KALRN: variants seen among roughly 807,000 people sequenced by gnomAD.
The protein encoded by KALRN is kalirin RhoGEF kinase, also known as kalirin.
Under a neutral mutation model 353.7 loss-of-function variants are expected in KALRN, and 70 were observed. The observed-to-expected ratio is 0.20, with a 90% CI of 0.16 to 0.24. The LOEUF is 0.24. Among genes scored for constraint, KALRN ranks in the 10% least tolerant of loss-of-function variants. The pLI, the probability that KALRN is intolerant of heterozygous loss-of-function variation, is 1.00. For synonymous variants in KALRN, 1,391 were observed against 1,434.8 expected (o/e 0.97, Z 0.69); for missense variants, 2,791 against 3,756.7 (o/e 0.74, Z 6.72).
chr3:124,454,784 T>A (rs578167910), intron 21 of KALRN, among the ~76,000 whole-genome samples: 1 of 152,284 alleles, frequency 6.6e-6, no homozygotes, highest in African/African-American at 2.4e-5. Flanking sequence ...AGTATTTACA[T>A]TGTATTAGGT....
intron 1 of KALRN, among the ~76,000 whole-genome samples, chr3:124,201,401 G>T (rs531413484): frequency 6.6e-6 from 1 of 152,306 alleles, no homozygotes; most frequent in South Asian, 2.1e-4. Flanking sequence ...GGCTGTCCTT[G>T]ACTCCATCTG....
intron 53 of KALRN, among the ~76,000 whole-genome samples, chr3:124,695,311 A>C (rs1338714091): frequency 6.6e-6 from 1 of 152,224 alleles, no homozygotes; most frequent in African/African-American, 2.4e-5. Context: ...CAAGCCCTAG[A>C]TGCTTGAGAA....
rs1441691244 is a variant in KALRN at position 124,083,465 on chromosome 3, G to A, written c.73+49652G>A. Among the ~76,000 whole-genome samples, 8 of 152,070 alleles carry A rather than the reference G, an allele frequency of 5.3e-5. No homozygotes were observed. The South Asian group carries it at 1.0e-3, about 20-fold the overall frequency. ...CCAAGCCTAGGAAGAGCATATGCAG[G>A]GATCCAAAGGGAAGAGATAGCTTAG... On this transcript the variant is annotated intron_variant, in intron 1 of 59. Coordinates refer to ENST00000682506, the MANE Select transcript of KALRN (RefSeq NM_001388419.1).
At chr3:124,676,169 G>A (rs544621332) in intron 49 of KALRN, among the ~76,000 whole-genome samples, 76 of 152,298 alleles carry the variant, frequency 5.0e-4, no homozygotes, top group South Asian at 1.7e-3. Context: ...CTTTGGTTCT[G>A]TTGGCCACTT....
chr3:124,177,291 A>G (rs1280361379), intron 1 of KALRN, among the ~76,000 whole-genome samples: 2 of 152,234 alleles, frequency 1.3e-5, no homozygotes, highest in African/African-American at 2.4e-5. Context: ...TTGCTTGGCA[A>G]GTGTGGACTC....
At chr3:124,512,956 G>A (rs1248985288) in intron 33 of KALRN, among the ~76,000 whole-genome samples, 1 of 152,040 alleles carries the variant, frequency 6.6e-6, no homozygotes, top group African/African-American at 2.4e-5. Context: ...TAGTTGCTGG[G>A]GTCCACCCTC....
intron 51 of KALRN, among the ~76,000 whole-genome samples, chr3:124,681,457 G>A (rs965509229): frequency 6.6e-6 from 1 of 152,108 alleles, no homozygotes; most frequent in Non-Finnish European, 1.5e-5. Flanking sequence ...GTTGATGCAT[G>A]TCCGAAAAGT....
At chr3:124,692,946 CAAG>C (rs757303256) in intron 51 of KALRN, among the ~76,000 whole-genome samples, 1 of 152,168 alleles carries the variant, frequency 6.6e-6, no homozygotes, top group Non-Finnish European at 1.5e-5. Flanking sequence ...ACCATCTCCT[CAAG>C]AAGATGTAGC....
chr3:124,701,724 TG>T (rs1395267346), intron 56 of KALRN, among the ~76,000 whole-genome samples: 1 of 152,218 alleles, frequency 6.6e-6, no homozygotes, highest in African/African-American at 2.4e-5. Flanking sequence ...GTCTTCAAAG[TG>T]TTCTTTTATC....
At chr3:124,335,662 G>T (rs1581093373) in intron 9 of KALRN, among the ~76,000 whole-genome samples, 1 of 152,092 alleles carries the variant, frequency 6.6e-6, no homozygotes, top group East Asian at 1.9e-4. Context: ...GGGCTTAGTT[G>T]TCCTAGGATG....
chr3:124,142,033 A>G (rs1170600573), intron 1 of KALRN, among the ~76,000 whole-genome samples: 1 of 152,190 alleles, frequency 6.6e-6, no homozygotes, highest in Non-Finnish European at 1.5e-5. Flanking sequence ...GTAAAAATAC[A>G]TAATAGGCCC....
At chr3:124,583,032 C>T (rs971522533) in intron 34 of KALRN, among the ~76,000 whole-genome samples, 1 of 152,166 alleles carries the variant, frequency 6.6e-6, no homozygotes, top group Non-Finnish European at 1.5e-5. Context: ...AAGTGATCTG[C>T]CTTGGCCTCT....
chr3:124,700,737 G>T (rs1200956977), intron 56 of KALRN, among the ~76,000 whole-genome samples: 1 of 152,044 alleles, frequency 6.6e-6, no homozygotes, highest in Non-Finnish European at 1.5e-5. Context: ...GCAGTGGGTG[G>T]GGGGCAGCTG....
intron 1 of KALRN, among the ~76,000 whole-genome samples, chr3:124,181,161 G>T (rs926605194): frequency 1.4e-4 from 21 of 149,290 alleles, no homozygotes; most frequent in African/African-American, 3.9e-4. Context: ...TGTTATATGA[G>T]AATCACTTGA....
intron 1 of KALRN, among the ~76,000 whole-genome samples, chr3:124,077,865 G>A (rs368925765): frequency 6.6e-6 from 1 of 152,180 alleles, no homozygotes; most frequent in African/African-American, 2.4e-5. Flanking sequence ...GGCTGGCCTG[G>A]GTGTGCATCC....
At chr3:124,074,672 T>C (rs905268688) in intron 1 of KALRN, among the ~76,000 whole-genome samples, 1 of 152,208 alleles carries the variant, frequency 6.6e-6, no homozygotes, top group African/African-American at 2.4e-5. Context: ...AGCGTTTCTT[T>C]CTCCTGCCTG....
intron 27 of KALRN, among the ~76,000 whole-genome samples, chr3:124,479,714 GA>G (rs2061772145): frequency 7.8e-6 from 1 of 127,548 alleles, no homozygotes; most frequent in South Asian, 2.6e-4. Context: ...ACACGATCCA[GA>G]ATTTTTTTTT....
intron 11 of KALRN, among the ~76,000 whole-genome samples, chr3:124,390,756 C>T (rs923650711): frequency 1.3e-5 from 2 of 152,128 alleles, no homozygotes; most frequent in Admixed American, 1.3e-4. Flanking sequence ...ATGAAACAGC[C>T]AATCAGCAGG....
intron 10 of KALRN, among the ~76,000 whole-genome samples, chr3:124,352,260 G>A (rs1047971823): frequency 4.6e-5 from 7 of 152,202 alleles, no homozygotes; most frequent in Non-Finnish European, 1.0e-4. Context: ...GGGGATAGAT[G>A]TTTCCATGTC....
Sources: gnomAD v4.1 joint callset for allele counts (sites outside exome capture counted in the v4.1 genomes callset) on GRCh38, gnomAD v4.1.1 for gene constraint, MANE v1.5 for transcripts, NCBI Gene and HGNC (gene_info 2026-07-23, HGNC 2026-07-21) for gene names.